Variants in NRG1 observed in about 807,000 individuals in gnomAD.
NRG1 encodes the protein neuregulin 1.
NRG1 carries 18 observed loss-of-function variants against 63.8 expected under a neutral mutation model. The observed-to-expected ratio is 0.28, with a 90% CI of 0.19 to 0.42. The LOEUF (loss-of-function observed/expected upper bound fraction) is 0.42, where lower values mean the gene tolerates loss of function less well. NRG1 is among the 10% of genes least tolerant of loss of function. The probability of loss-of-function intolerance (pLI) is 1.00; values close to 1 mark genes in which losing one functional copy is unlikely to be tolerated. For missense variants in NRG1, 762 were observed against 814.7 expected (o/e 0.94, Z 0.79); for synonymous variants, 302 against 301.3 (o/e 1.00, Z -0.02).
intron 7 of NRG1, among the ~76,000 whole-genome samples, chr8:32,744,886 C>G (rs1827139048): frequency 6.6e-6 from 1 of 152,104 alleles, no homozygotes; most frequent in African/African-American, 2.4e-5. Flanking sequence ...TTGTGAAGTT[C>G]AGAGTGTGAT....
At chr8:31,886,632 G>A (rs979122771) in intron 1 of NRG1, among the ~76,000 whole-genome samples, 6 of 152,072 alleles carry the variant, frequency 3.9e-5, no homozygotes, top group African/African-American at 1.4e-4. Flanking sequence ...TGTCTGTTGT[G>A]TGTATTCTGC....
At chr8:32,721,148 T>G (rs753165870) in intron 5 of NRG1, among the ~76,000 whole-genome samples, 1 of 152,214 alleles carries the variant, frequency 6.6e-6, no homozygotes, top group Non-Finnish European at 1.5e-5. Context: ...CCTTCCCCTG[T>G]GCACTTTTGT....
intron 1 of NRG1, among the ~76,000 whole-genome samples, chr8:31,998,695 C>T (rs1812432182): frequency 2.0e-5 from 3 of 151,992 alleles, no homozygotes. Context: ...ACCACACTGA[C>T]ATTTGTTGAA....
At chr8:32,672,071 G>A (rs1805813227) in intron 5 of NRG1, among the ~76,000 whole-genome samples, 2 of 149,070 alleles carry the variant, frequency 1.3e-5, no homozygotes, top group Admixed American at 1.3e-4. Context: ...TTTTGAGACA[G>A]TCTTGCTCTG....
chr8:32,380,713 C>T (rs981024907), intron 1 of NRG1, among the ~76,000 whole-genome samples: 2 of 152,086 alleles, frequency 1.3e-5, no homozygotes, highest in African/African-American at 4.8e-5. Context: ...ATCAGTATGC[C>T]CTATTGCCTC....
chr8:32,436,541 G>C (rs1477405321), intron 1 of NRG1, among the ~76,000 whole-genome samples: 1 of 152,188 alleles, frequency 6.6e-6, no homozygotes, highest in African/African-American at 2.4e-5. Context: ...TTCAGATTCA[G>C]ATTTATCCTT....
At chr8:31,840,349 C>CTTTTTTTTTTTT (rs71992716) in intron 1 of NRG1, among the ~76,000 whole-genome samples, 22 of 116,816 alleles carry the variant, frequency 1.9e-4, no homozygotes, top group East Asian at 3.1e-4. Context: ...TATTCTCTGT[C>CTTTTTTTTTTTT]TTTTTTTTTT....
intron 1 of NRG1, among the ~76,000 whole-genome samples, chr8:32,394,968 G>T (rs113991605): frequency 3.2e-4 from 48 of 152,260 alleles, no homozygotes; most frequent in Middle Eastern, 3.4e-3. Context: ...GAAATCAGTG[G>T]TGAGAAGAAT....
At chr8:32,605,297 A>G (rs1181462761) in intron 2 of NRG1, among the ~76,000 whole-genome samples, 1 of 152,208 alleles carries the variant, frequency 6.6e-6, no homozygotes, top group Admixed American at 6.5e-5. Context: ...GAGTAAAAAG[A>G]AAAACTACAG....
chr8:32,488,466 C>T (rs572766864), intron 1 of NRG1, among the ~76,000 whole-genome samples: 1 of 152,096 alleles, frequency 6.6e-6, no homozygotes, highest in South Asian at 2.1e-4. Context: ...TGGGAAATAC[C>T]CCCCAAAATA....
exon 12 of NRG1, chr8:32,764,007 A>G: frequency 6.2e-7 from 1 of 1,614,100 alleles, no homozygotes; most frequent in Non-Finnish European, 8.5e-7. Context: ...GCATGACAGT[A>G]ACAGCCTCCC....
intron 1 of NRG1, among the ~76,000 whole-genome samples, chr8:31,880,490 A>G (rs1305354249): frequency 6.6e-6 from 1 of 152,194 alleles, no homozygotes; most frequent in Non-Finnish European, 1.5e-5. Flanking sequence ...TGGGTCTAAT[A>G]GTACCTATCA....
chr8:32,250,505 G>A (rs971478681), intron 1 of NRG1, among the ~76,000 whole-genome samples: 4 of 152,094 alleles, frequency 2.6e-5, no homozygotes, highest in African/African-American at 9.7e-5. Flanking sequence ...ACTTCACAGT[G>A]TATGATGACA....
chr8:31,999,759 A>T (rs1812621144), intron 1 of NRG1, among the ~76,000 whole-genome samples: 1 of 152,000 alleles, frequency 6.6e-6, no homozygotes. Flanking sequence ...ATGTAAAGAA[A>T]CAGATATGTA....
intron 1 of NRG1, among the ~76,000 whole-genome samples, chr8:31,920,522 T>C (rs1563568119): frequency 6.6e-6 from 1 of 152,152 alleles, no homozygotes; most frequent in Non-Finnish European, 1.5e-5. Context: ...TGATGTAACC[T>C]GGTTTGTTCT....
intron 5 of NRG1, among the ~76,000 whole-genome samples, chr8:32,692,379 G>A (rs544827174): frequency 6.6e-6 from 1 of 152,260 alleles, no homozygotes; most frequent in African/African-American, 2.4e-5. Flanking sequence ...GTCATGTAGG[G>A]TCTTTGCCTG....
At chr8:32,510,097 A>AATAATAAT (rs1828980168) in intron 1 of NRG1, among the ~76,000 whole-genome samples, 2 of 139,108 alleles carry the variant, frequency 1.4e-5, no homozygotes, top group African/African-American at 5.2e-5. Context: ...TCCTAGACAA[A>AATAATAAT]AATAATAATA....
intron 1 of NRG1, among the ~76,000 whole-genome samples, chr8:32,296,600 G>C (rs1488313424): frequency 7.5e-6 from 1 of 133,866 alleles, no homozygotes; most frequent in Non-Finnish European, 1.5e-5. Flanking sequence ...TGGGCGACAA[G>C]AGTGAAACTT....
chr8:32,002,959 C>A (rs1218144865), intron 1 of NRG1, among the ~76,000 whole-genome samples: 1 of 152,048 alleles, frequency 6.6e-6, no homozygotes, highest in Non-Finnish European at 1.5e-5. Context: ...TATCCATTCA[C>A]ATAATTATTA....
Sources: gnomAD v4.1 joint callset for allele counts (sites outside exome capture counted in the v4.1 genomes callset) on GRCh38, gnomAD v4.1.1 for gene constraint, MANE v1.5 for transcripts, NCBI Gene and HGNC (gene_info 2026-07-23, HGNC 2026-07-21) for gene names.